The following CLVS2 variants were observed in gnomAD, a reference collection of about 807,000 sequenced individuals.
CLVS2 encodes the protein clavesin-2.
Under a neutral mutation model 29.0 loss-of-function variants are expected in CLVS2, and 19 were observed. The ratio of observed to expected loss-of-function variants is 0.66; its 90% CI spans 0.46 to 0.96. The LOEUF (loss-of-function observed/expected upper bound fraction) is 0.96, where lower values mean the gene tolerates loss of function less well. Among genes scored for constraint, CLVS2 ranks in the 40% least tolerant of loss-of-function variants. The probability of loss-of-function intolerance (pLI) is 0.00; values close to 1 mark genes in which losing one functional copy is unlikely to be tolerated. For missense variants in CLVS2, 294 were observed against 404.1 expected (o/e 0.73, Z 2.34); for synonymous variants, 161 against 151.3 (o/e 1.06, Z -0.47).
At chr6:123,063,640 A>T in intron 5 of CLVS2, 34 bp from the exon 6 acceptor site, 7 of 1,249,202 alleles carry the variant, frequency 5.6e-6, no homozygotes, top group Non-Finnish European at 8.2e-6. Flanking sequence ...ATTACCTGGT[A>T]ATAACTCACT....
At chr6:123,025,314 T>C (rs1774986062) in intron 3 of CLVS2, among the ~76,000 whole-genome samples, 1 of 152,174 alleles carries the variant, frequency 6.6e-6, no homozygotes, top group Non-Finnish European at 1.5e-5. Context: ...AGCTGTGATC[T>C]GATTCACAGT....
chr6:123,042,092 C>T (rs932248204), intron 3 of CLVS2, among the ~76,000 whole-genome samples: 1 of 152,040 alleles, frequency 6.6e-6, no homozygotes, highest in African/African-American at 2.4e-5. Flanking sequence ...AAAATTGAGA[C>T]ACTATTTTTA....
In CLVS2 at chr6:123,069,079, A is replaced by T. The variant is rs908979107; in HGVS notation, c.*5318A>T. The T allele has an allele frequency of 6.6e-6, 1 of 151,774 alleles. No individual in the cohort carries two copies. Among genetic ancestry groups the T allele is most frequent in the East Asian group, 1.9e-4 (1 of 5,184 alleles). The allele number at this position is 151,774 out of a possible 1,614,324, so 9.4% of individuals were successfully genotyped here. On this transcript the variant is annotated 3_prime_UTR_variant, in exon 6 of 6. Coordinates refer to ENST00000275162, the MANE Select transcript of CLVS2 (RefSeq NM_001010852.4). ...ATATTTGTATGTGTGGGGATCAAAG[A>T]GGAAAATATATAGTAATTTGTTTCA...
At chr6:123,025,987 A>G (rs1774995030) in intron 3 of CLVS2, among the ~76,000 whole-genome samples, 1 of 151,954 alleles carries the variant, frequency 6.6e-6, no homozygotes, top group Non-Finnish European at 1.5e-5. Flanking sequence ...TATTTATTAT[A>G]AATTTATAAA....
At chr6:123,027,957 A>G (rs1302389938) in intron 3 of CLVS2, among the ~76,000 whole-genome samples, 2 of 152,250 alleles carry the variant, frequency 1.3e-5, no homozygotes, top group Admixed American at 6.5e-5. Context: ...TTAATAGCAC[A>G]ATATCTTACA....
At chr6:123,038,722 G>A (rs1299951196) in intron 3 of CLVS2, among the ~76,000 whole-genome samples, 1 of 150,992 alleles carries the variant, frequency 6.6e-6, no homozygotes, top group Non-Finnish European at 1.5e-5. Context: ...TTGGTCATTA[G>A]GAATTCTTTG....
chr6:123,027,059 T>G (rs1775012678), intron 3 of CLVS2, among the ~76,000 whole-genome samples: 1 of 152,070 alleles, frequency 6.6e-6, no homozygotes, highest in Non-Finnish European at 1.5e-5. Flanking sequence ...TATATTGCAT[T>G]ATGGGTATCG....
intron 2 of CLVS2, among the ~76,000 whole-genome samples, chr6:123,003,627 G>T (rs1774622426): frequency 6.6e-6 from 1 of 152,102 alleles, no homozygotes; most frequent in Non-Finnish European, 1.5e-5. Flanking sequence ...CATTTTAGTA[G>T]GTACTGGGGG....
At chr6:123,043,508 A>C (rs980655500) in intron 3 of CLVS2, among the ~76,000 whole-genome samples, 3 of 152,164 alleles carry the variant, frequency 2.0e-5, no homozygotes, top group African/African-American at 7.2e-5. Flanking sequence ...AATGTTTCAA[A>C]AAAGTACAAG....
Position 122,997,866 on chromosome 6 carries a change from A to C in CLVS2, c.89A>C (p.Asp30Ala). The C allele has an allele frequency of 6.2e-7, 1 of 1,614,210 alleles. No homozygotes were observed. The highest frequency in any genetic ancestry group is 1.1e-5 in the South Asian group (1 of 91,086). The change falls in exon 2 of 6, where the codon GAC becomes GCC. Residue 30 changes from aspartate (D) to alanine (A), a missense_variant. This residue lies in a region of CLVS2 where 212 missense variants were observed against 336.4 expected (regional missense o/e 0.63). Coordinates refer to ENST00000275162, the MANE Select transcript of CLVS2 (RefSeq NM_001010852.4). ...GAAAACCCAGACACGCTGCACCAGG[A>C]CATCCAGGAGGTGAGGGATATGGTC... The part of the protein sequence containing the change: ...LNENPDTLHQ[D>A]IQEVRDMVIT...
At chr6:123,031,133 C>A (rs1775077969) in intron 3 of CLVS2, among the ~76,000 whole-genome samples, 1 of 151,864 alleles carries the variant, frequency 6.6e-6, no homozygotes, top group Admixed American at 6.6e-5. Context: ...CCATGCCTGG[C>A]TAATTTTTTG....
At chr6:123,027,526 T>C (rs1775022106) in intron 3 of CLVS2, among the ~76,000 whole-genome samples, 1 of 152,170 alleles carries the variant, frequency 6.6e-6, no homozygotes, top group Non-Finnish European at 1.5e-5. Context: ...CCTCAGAACA[T>C]GAGGACATTG....
Position 122,997,461 on chromosome 6 carries a change from A to G in CLVS2, c.-317A>G, listed in dbSNP as rs1774525193. On this transcript the variant is annotated 5_prime_UTR_variant, in exon 2 of 6. Transcript: ENST00000275162. ...TAGGGGTGATTTGTTAGGAAAGAGA[A>G]AGGACAAGAAGAGGAGTGCGGAGCC... is the stretch of plus-strand genomic sequence containing the variant. The G allele has an allele frequency of 3.0e-6, 1 of 337,364 alleles. No homozygotes were observed. Among genetic ancestry groups the G allele is most frequent in the Non-Finnish European group, 5.7e-6 (1 of 174,396 alleles). 20.9% of individuals were successfully genotyped at this position (337,364 alleles called of 1,614,324 possible).
At chr6:123,021,502 T>C (rs1429380071) in intron 3 of CLVS2, among the ~76,000 whole-genome samples, 1 of 152,066 alleles carries the variant, frequency 6.6e-6, no homozygotes, top group Non-Finnish European at 1.5e-5. Flanking sequence ...TTTGTGTTCT[T>C]AGTCCTCTGT....
At chr6:123,010,479 T>A (rs1774732272) in intron 2 of CLVS2, among the ~76,000 whole-genome samples, 1 of 152,094 alleles carries the variant, frequency 6.6e-6, no homozygotes, top group Non-Finnish European at 1.5e-5. Context: ...TCTCTTTCTA[T>A]CCCTACCACC....
chr6:123,042,681 G>T (rs149028147), intron 3 of CLVS2, among the ~76,000 whole-genome samples: 3 of 152,282 alleles, frequency 2.0e-5, no homozygotes, highest in African/African-American at 7.2e-5. Flanking sequence ...TTTGGCAGAA[G>T]ACACTGGTTG....
At chr6:123,015,725 TG>T (rs1774821908) in intron 3 of CLVS2, among the ~76,000 whole-genome samples, 1 of 152,100 alleles carries the variant, frequency 6.6e-6, no homozygotes, top group Non-Finnish European at 1.5e-5. Context: ...TGGACTTTTT[TG>T]ACACCGCATG....
chr6:123,072,788 G>A lies in CLVS2; in HGVS notation c.*9027G>A, dbSNP rs1043797234. ...ATAATGGATTTAACAATTTTACAAA[G>A]CAGATCATTGTTTATTATATTCTGA... On this transcript the variant is annotated 3_prime_UTR_variant, in exon 6 of 6. Coordinates refer to ENST00000275162, the MANE Select transcript of CLVS2 (RefSeq NM_001010852.4). 1 of 152,014 alleles carries A rather than the reference G, an allele frequency of 6.6e-6. No individual in the cohort carries two copies. The highest frequency in any genetic ancestry group is 1.5e-5 in the Non-Finnish European group (1 of 67,978). The allele number at this position is 152,014 out of a possible 1,614,324, so 9.4% of individuals were successfully genotyped here.
intron 3 of CLVS2, among the ~76,000 whole-genome samples, chr6:123,036,620 C>A (rs1363029426): frequency 6.6e-6 from 1 of 152,086 alleles, no homozygotes; most frequent in East Asian, 1.9e-4. Flanking sequence ...ACTGAGGTAC[C>A]ATCCCCTTTT....
Sources: allele counts gnomAD v4.1 joint callset (sites outside exome capture counted in the v4.1 genomes callset), GRCh38; gene constraint gnomAD v4.1.1; regional missense constraint gnomAD v4.1.1; transcripts MANE v1.5; gene names NCBI Gene and HGNC (gene_info 2026-07-23, HGNC 2026-07-21).